The following HES7 variants were observed in gnomAD, a reference collection of about 807,000 sequenced individuals.
HES7 encodes the protein transcription factor HES-7.
Under a neutral mutation model 18.0 loss-of-function variants are expected in HES7, and 8 were observed. That is an observed-to-expected ratio of 0.45 (90% CI 0.26 to 0.80). The LOEUF (loss-of-function observed/expected upper bound fraction) is 0.80, where lower values mean the gene tolerates loss of function less well. Among genes scored for constraint, HES7 ranks in the 30% least tolerant of loss-of-function variants. The probability of loss-of-function intolerance (pLI) is 0.18; values close to 1 mark genes in which losing one functional copy is unlikely to be tolerated. For missense variants in HES7, 356 were observed against 340.9 expected, an observed-to-expected ratio of 1.04 and a Z score of -0.35; for synonymous variants, 170 against 158.6, an observed-to-expected ratio of 1.07 and a Z score of -0.54.
Position 8,122,084 on chromosome 17 carries a change from A to T in HES7, c.227-47T>A. 1 of 1,436,646 alleles carries T rather than the reference A, an allele frequency of 7.0e-7. No individual in the cohort carries two copies. Among genetic ancestry groups the T allele is most frequent in the Non-Finnish European group, 9.2e-7 (1 of 1,092,386 alleles). The allele number at this position is 1,436,646 out of a possible 1,614,324, so 89.0% of individuals were successfully genotyped here. A position where few individuals can be genotyped will look rare whatever the true frequency, so the allele number is the denominator to read the frequency against. ...CAGGTGGGCAGGGCAGGGGCCCGGC[A>T]GGGGTGAGGGAAGGGGCGGGGCGCA... On this transcript the variant is annotated intron_variant, in intron 3 of 3. Transcript: ENST00000541682. This position sits in a 1 kb window ranked among gnomAD's most constrained non-coding sequence, Gnocchi z 6.9.
chr17:8,121,936 C>T lies in HES7; in HGVS notation c.328G>A (p.Ala110Thr), dbSNP rs1484921371. ...GCCGGGCTGGCGTCGTGCGCGAAGGCCGCCAAGCGAAGCAGGCACTCGCGG... is the reference window on the plus strand; with the variant it reads ...GCCGGGCTGGCGTCGTGCGCGAAGGTCGCCAAGCGAAGCAGGCACTCGCGG... Reference protein sequence around the residue: ...GFRECLLRLAAFAHDASPAAR... With the variant: ...GFRECLLRLATFAHDASPAAR... Residue 110 changes from alanine (A) to threonine (T), a missense_variant, in exon 4 of 4, where the codon GCC becomes ACC. Physicochemically the swap from Ala to Thr is moderately conservative, Grantham distance 58. Transcript: ENST00000541682. 4 of 1,562,002 alleles carry T rather than the reference C, an allele frequency of 2.6e-6. No individual in the cohort carries two copies. The highest frequency in any genetic ancestry group is 2.4e-5 in the East Asian group (1 of 41,612).
upstream of HES7, among the ~76,000 whole-genome samples, chr17:8,125,729 C>A (rs1280071973): frequency 6.6e-6 from 1 of 152,220 alleles, no homozygotes; most frequent in Non-Finnish European, 1.5e-5. Context: ...AGGATCCCCG[C>A]AGAATCTTTA....
At chr17:8,125,155 C>G (rs1212972827), upstream of HES7, among the ~76,000 whole-genome samples, 1 of 152,178 alleles carries the variant, frequency 6.6e-6, no homozygotes, top group Non-Finnish European at 1.5e-5. Flanking sequence ...GACAAAGTGT[C>G]TGAGAAGATA....
chr17:8,123,177 C>A lies in HES7; in HGVS notation c.43-51G>T. 4.9e-6 allele frequency: 7 copies of A among 1,423,326 alleles called. No homozygotes were observed. The highest frequency in any genetic ancestry group is 6.8e-6 in the Non-Finnish European group (7 of 1,035,510). The allele number at this position is 1,423,326 out of a possible 1,614,324, so 88.2% of individuals were successfully genotyped here. On this transcript the variant is annotated intron_variant, in intron 1 of 3. Coordinates refer to ENST00000541682, the MANE Select transcript of HES7 (RefSeq NM_001165967.2). The surrounding 1 kb of genome is among the most constrained non-coding windows in gnomAD (Gnocchi z 5.9). ...GGGCCGACCAGACCGAGACTCAGTGCGGCCGCCCCGGCGTCGGATCCCGCC... is the reference window on the plus strand; with the variant it reads ...GGGCCGACCAGACCGAGACTCAGTGAGGCCGCCCCGGCGTCGGATCCCGCC...
Position 8,122,627 on chromosome 17 carries a change from G to C in HES7, c.139-197C>G, listed in dbSNP as rs1981417125. Among the ~76,000 whole-genome samples the C allele has an allele frequency of 6.6e-6, 1 of 152,162 alleles. No individual in the cohort carries two copies. The highest frequency in any genetic ancestry group is 2.1e-4 in the South Asian group (1 of 4,826). ...TCCTGGCCCACCCTGAGACGAAACT[G>C]TCCAATCCTAGGGGTTGGAACCAAT... On this transcript the variant is annotated intron_variant, in intron 2 of 3. Coordinates refer to ENST00000541682, the MANE Select transcript of HES7 (RefSeq NM_001165967.2). The surrounding 1 kb of genome is among the most constrained non-coding windows in gnomAD (Gnocchi z 6.9).
Position 8,120,961 on chromosome 17 carries a change from A to G in HES7, c.*610T>C, listed in dbSNP as rs1981273603. 3 of 152,684 alleles carry G rather than the reference A, an allele frequency of 2.0e-5. No individual in the cohort carries two copies. The highest frequency in any genetic ancestry group is 1.3e-4 in the Admixed American group (2 of 15,280). 9.5% of individuals were successfully genotyped at this position (152,684 alleles called of 1,614,324 possible). ...GCAATGGATAGCGCATTGGACTTCT[A>G]GTGACGAATAGAGCAATTCAAAGGT... On this transcript the variant is annotated 3_prime_UTR_variant, in exon 4 of 4. Transcript: ENST00000541682.
In HES7 at chr17:8,122,718, CAG is replaced by C. The variant is rs1981422677; in HGVS notation, c.139-290_139-289del. ...GAATGAAATTAACCACCCGACATAA[CAG>C]AGGCTGGCTCATCAGAGGCTGGCTG... On this transcript the variant is annotated intron_variant, in intron 2 of 3. Coordinates refer to ENST00000541682, the MANE Select transcript of HES7 (RefSeq NM_001165967.2). This position sits in a 1 kb window ranked among gnomAD's most constrained non-coding sequence, Gnocchi z 6.9. Among the ~76,000 whole-genome samples, 1 of 152,160 alleles carries C rather than the reference CAG, an allele frequency of 6.6e-6. No individual in the cohort carries two copies. Among genetic ancestry groups the C allele is most frequent in the Non-Finnish European group, 1.5e-5 (1 of 68,020 alleles).
Position 8,122,364 on chromosome 17 carries a change from G to T in HES7, c.205C>A (p.Arg69=). ...LEFAVGYLRE[R]SRVEPPAAAA... is the part of the protein sequence containing the mutation. ...GTACCCGGGGGCTCCACCCGGCTTC[G>T]CTCCCTCAAGTAGCCCACGGCGAAC... Residue 69 remains arginine, a synonymous_variant, in exon 3 of 4, where the codon CGA becomes AGA. Coordinates refer to ENST00000541682, the MANE Select transcript of HES7 (RefSeq NM_001165967.2). This position sits in a 1 kb window ranked among gnomAD's most constrained non-coding sequence, Gnocchi z 6.9. 2.5e-6 allele frequency: 4 copies of T among 1,595,632 alleles called. No homozygotes were observed. Among genetic ancestry groups the T allele is most frequent in the South Asian group, 1.1e-5 (1 of 87,888 alleles).
chr17:8,122,223 G>C lies in HES7; in HGVS notation c.226+120C>G. 1 of 980,238 alleles carries C rather than the reference G, an allele frequency of 1.0e-6. No individual in the cohort carries two copies. Among genetic ancestry groups the C allele is most frequent in the Non-Finnish European group, 1.5e-6 (1 of 653,106 alleles). The allele number at this position is 980,238 out of a possible 1,614,324, so 60.7% of individuals were successfully genotyped here. A position where few individuals can be genotyped will look rare whatever the true frequency, so the allele number is the denominator to read the frequency against. ...GCGCGGGTGTTATTAACCTCGCCTC[G>C]GAGCAGAACCGGCCACTCCCCAAGC... On this transcript the variant is annotated intron_variant, in intron 3 of 3. Coordinates refer to ENST00000541682, the MANE Select transcript of HES7 (RefSeq NM_001165967.2). The surrounding 1 kb of genome is among the most constrained non-coding windows in gnomAD (Gnocchi z 6.9).
At position 8,123,965 on chromosome 17, in the gene HES7, T is replaced by G; in HGVS notation, c.42+78A>C. The G allele has an allele frequency of 2.6e-6, 4 of 1,529,616 alleles. No individual in the cohort carries two copies. The highest frequency in any genetic ancestry group is 3.6e-6 in the Non-Finnish European group (4 of 1,108,870). 94.8% of individuals were successfully genotyped at this position (1,529,616 alleles called of 1,614,324 possible). ...CTTCCACCCCTGCGTCCCCAGCCTCTCTCCAGACCGACGGCGTCAGGGGCC... is the reference window on the plus strand; with the variant it reads ...CTTCCACCCCTGCGTCCCCAGCCTCGCTCCAGACCGACGGCGTCAGGGGCC... On this transcript the variant is annotated intron_variant, in intron 1 of 3. Transcript: ENST00000541682. The surrounding 1 kb of genome is among the most constrained non-coding windows in gnomAD (Gnocchi z 5.9).
rs540555668 is a variant in HES7, at chr17:8,122,766, A to T, written c.138+265T>A. 6.6e-6 allele frequency among the ~76,000 whole-genome samples: 1 copy of T among 152,254 alleles called. No individual in the cohort carries two copies. Among genetic ancestry groups the T allele is most frequent in the South Asian group, 2.1e-4 (1 of 4,814 alleles). Reference sequence around the variant, plus strand: ...GGCTGTGGGGGAGGGGGAACCGGACACTTAGAGACCCAAAGGGTGAAACTG... The same window carrying T: ...GGCTGTGGGGGAGGGGGAACCGGACTCTTAGAGACCCAAAGGGTGAAACTG... On this transcript the variant is annotated intron_variant, in intron 2 of 3. Coordinates refer to ENST00000541682, the MANE Select transcript of HES7 (RefSeq NM_001165967.2). This position sits in a 1 kb window ranked among gnomAD's most constrained non-coding sequence, Gnocchi z 6.9.
chr17:8,124,386 G>T (rs1018552939), upstream of HES7, among the ~76,000 whole-genome samples: 4 of 152,174 alleles, frequency 2.6e-5, no homozygotes, highest in Admixed American at 2.6e-4. Flanking sequence ...GGCAGAGCTC[G>T]CTTGGGGATG....
rs1458960994 is a variant in HES7 at position 8,121,601 on chromosome 17, C to T, written c.663G>A (p.Pro221=). ...QDGAPKAPLP[P]PPAFWRPWP is the part of the protein sequence containing the mutation. ...GCCAAGGTCTCCAGAAAGCGGGCGG[C>T]GGGGGCAGCGGGGCCTTGGGCGCCC... is the stretch of plus-strand genomic sequence containing the variant. Residue 221 remains proline, a synonymous_variant, in exon 4 of 4, where the codon CCG becomes CCA. Coordinates refer to ENST00000541682, the MANE Select transcript of HES7 (RefSeq NM_001165967.2). 18 of 1,311,948 alleles carry T rather than the reference C, an allele frequency of 1.4e-5. No individual in the cohort carries two copies. Among genetic ancestry groups the T allele is most frequent in the East Asian group, 6.2e-5 (2 of 32,082 alleles). The allele number at this position is 1,311,948 out of a possible 1,614,324, so 81.3% of individuals were successfully genotyped here. A position where few individuals can be genotyped will look rare whatever the true frequency, so the allele number is the denominator to read the frequency against.
chr17:8,123,227 C>G lies in HES7; in HGVS notation c.43-101G>C, dbSNP rs1981453501. ...CGCTGGGAGAGCCCGGCTTCCACCC[C>G]GGCCACAAGACCCCAGATTGCCTAG... On this transcript the variant is annotated intron_variant, in intron 1 of 3. Transcript: ENST00000541682. The surrounding 1 kb of genome is among the most constrained non-coding windows in gnomAD (Gnocchi z 5.9). 2.2e-6 allele frequency: 2 copies of G among 895,998 alleles called. No individual in the cohort carries two copies. The highest frequency in any genetic ancestry group is 2.3e-4 in the Middle Eastern group (1 of 4,378). 55.5% of individuals were successfully genotyped at this position (895,998 alleles called of 1,614,324 possible).
rs1336479273 is a variant in HES7, at chr17:8,121,553, C to T, written c.*18G>A. On this transcript the variant is annotated 3_prime_UTR_variant, in exon 4 of 4. Coordinates refer to ENST00000541682, the MANE Select transcript of HES7 (RefSeq NM_001165967.2). ...CTCTACCCCACCCCTAGACCCCGCC[C>T]CCACCACCCCCCAAGGCTCAGGGCC... The T allele has an allele frequency of 1.5e-6, 2 of 1,297,788 alleles. No individual in the cohort carries two copies. Among genetic ancestry groups the T allele is most frequent in the Non-Finnish European group, 1.9e-6 (2 of 1,029,352 alleles). The allele number at this position is 1,297,788 out of a possible 1,614,324, so 80.4% of individuals were successfully genotyped here.
chr17:8,123,268 A>G lies in HES7; in HGVS notation c.43-142T>C. ...GATTGCCTAGGGCCGGCCCCATTCG[A>G]TCCCTCTCCGCTCCCCCTCCCAATG... On this transcript the variant is annotated intron_variant, in intron 1 of 3. Coordinates refer to ENST00000541682, the MANE Select transcript of HES7 (RefSeq NM_001165967.2). The surrounding 1 kb of genome is among the most constrained non-coding windows in gnomAD (Gnocchi z 5.9). The G allele has an allele frequency of 3.0e-6, 2 of 672,916 alleles. No individual in the cohort carries two copies. 41.7% of individuals were successfully genotyped at this position (672,916 alleles called of 1,614,324 possible).
In HES7 at chr17:8,121,409, T is replaced by C. The variant is rs1268740035; in HGVS notation, c.*162A>G. The C allele has an allele frequency of 2.3e-6, 1 of 436,698 alleles. No homozygotes were observed. Among genetic ancestry groups the C allele is most frequent in the Non-Finnish European group, 3.8e-6 (1 of 261,514 alleles). The allele number at this position is 436,698 out of a possible 1,614,324, so 27.1% of individuals were successfully genotyped here. ...CAGGAACCAGGGAAATATATATTTATATAGATACTCTAATATAGACCACAT... is the reference window on the plus strand; with the variant it reads ...CAGGAACCAGGGAAATATATATTTACATAGATACTCTAATATAGACCACAT... On this transcript the variant is annotated 3_prime_UTR_variant, in exon 4 of 4. Coordinates refer to ENST00000541682, the MANE Select transcript of HES7 (RefSeq NM_001165967.2).
upstream of HES7, chr17:8,124,225 C>T (rs1394500499): frequency 2.0e-6 from 2 of 1,000,082 alleles, no homozygotes. Context: ...GCACGAGGCT[C>T]CCGGAAAGAG....
Position 8,121,775 on chromosome 17 carries a change from C to A in HES7, c.489G>T (p.Leu163=). ...DPAAPALGPA[L]HQRPPVHQGH... ...CCTGGTGCACTGGGGGGCGCTGGTGCAGCGCAGGGCCAAGGGCCGGTGCGG... is the reference window on the plus strand; with the variant it reads ...CCTGGTGCACTGGGGGGCGCTGGTGAAGCGCAGGGCCAAGGGCCGGTGCGG... The change falls in exon 4 of 4, where the codon CTG becomes CTT. Residue 163 remains leucine (L), a synonymous_variant. Transcript: ENST00000541682. 1.3e-6 allele frequency: 2 copies of A among 1,529,294 alleles called. No individual in the cohort carries two copies. Among genetic ancestry groups the A allele is most frequent in the South Asian group, 2.4e-5 (2 of 82,788 alleles). The allele number at this position is 1,529,294 out of a possible 1,614,324, so 94.7% of individuals were successfully genotyped here.
Sources: gnomAD v4.1 joint callset for allele counts (sites outside exome capture counted in the v4.1 genomes callset) on GRCh38, gnomAD v4.1.1 for gene constraint, Gnocchi (gnomAD v3.1) non-coding constraint, MANE v1.5 for transcripts, NCBI Gene and HGNC (gene_info 2026-07-23, HGNC 2026-07-21) for gene names.